Variants in B3GALT5 observed in about 807,000 individuals in gnomAD.
The protein encoded by B3GALT5 is beta-1,3-galactosyltransferase 5.
For synonymous variants in B3GALT5, 156 were observed against 158.6 expected, an observed-to-expected ratio of 0.98 and a Z score of 0.12; for missense variants, 328 against 396.6, an observed-to-expected ratio of 0.83 and a Z score of 1.47.
intron 2 of B3GALT5, among the ~76,000 whole-genome samples, chr21:39,650,755 C>T (rs545273890): frequency 1.7e-4 from 26 of 149,516 alleles, no homozygotes; most frequent in Middle Eastern, 6.9e-3. Flanking sequence ...ATGGGGGAGC[C>T]GTTGAAATAG....
intron 1 of B3GALT5, among the ~76,000 whole-genome samples, chr21:39,631,219 G>A (rs2079190341): frequency 6.6e-6 from 1 of 152,256 alleles, no homozygotes; most frequent in Non-Finnish European, 1.5e-5. Flanking sequence ...TCTGGAGGCT[G>A]AAGTCTGAAA....
Position 39,618,043 on chromosome 21 carries a change from T to C in B3GALT5, c.-392+4976T>C, listed in dbSNP as rs78263128. Among the ~76,000 whole-genome samples the C allele has an allele frequency of 3.8e-3, 576 of 152,148 alleles. 3 individuals carry two copies. Among genetic ancestry groups the C allele is most frequent in the African/African-American group, 0.013 (554 of 41,504 alleles). On this transcript the variant is annotated intron_variant, in intron 1 of 3. Transcript: ENST00000684187. ...GGTGGCATGCACCTGTAGTCCTAGATACTTGGGAGGCTGAGATGGGAGGAT... is the reference window on the plus strand; with the variant it reads ...GGTGGCATGCACCTGTAGTCCTAGACACTTGGGAGGCTGAGATGGGAGGAT...
intron 1 of B3GALT5, among the ~76,000 whole-genome samples, chr21:39,634,893 G>A (rs1401147233): frequency 1.3e-5 from 2 of 152,128 alleles, no homozygotes; most frequent in African/African-American, 2.4e-5. Context: ...CAGAGACAAC[G>A]CGTAATGGCA....
Position 39,661,579 on chromosome 21 carries a change from G to A in B3GALT5, c.*87G>A. 1 of 1,279,510 alleles carries A rather than the reference G, an allele frequency of 7.8e-7. No individual in the cohort carries two copies. The highest frequency in any genetic ancestry group is 1.0e-6 in the Non-Finnish European group (1 of 960,034). 79.3% of individuals were successfully genotyped at this position (1,279,510 alleles called of 1,614,324 possible). Reference sequence around the variant, plus strand: ...ATTTTGGAAGAGGGGGCGGGACAGAGGATGCTGTTCTTCAGTGCTGAAATC... The same window carrying A: ...ATTTTGGAAGAGGGGGCGGGACAGAAGATGCTGTTCTTCAGTGCTGAAATC... On this transcript the variant is annotated 3_prime_UTR_variant, in exon 4 of 4. Transcript: ENST00000684187. This position sits in a 1 kb window ranked among gnomAD's most constrained non-coding sequence, Gnocchi z 4.7.
In B3GALT5 at chr21:39,661,604, C is replaced by A. The variant is rs2079526129; in HGVS notation, c.*112C>A. 3.0e-5 allele frequency: 31 copies of A among 1,044,680 alleles called. No individual in the cohort carries two copies. In the East Asian group the frequency reaches 8.0e-4, roughly 27 times the overall value. 64.7% of individuals were successfully genotyped at this position (1,044,680 alleles called of 1,614,324 possible). A position where few individuals can be genotyped will look rare whatever the true frequency, so the allele number is the denominator to read the frequency against. On this transcript the variant is annotated 3_prime_UTR_variant, in exon 4 of 4. Coordinates refer to ENST00000684187, the MANE Select transcript of B3GALT5 (RefSeq NM_001356336.2). This position sits in a 1 kb window ranked among gnomAD's most constrained non-coding sequence, Gnocchi z 4.7. Reference sequence around the variant, plus strand: ...GGATGCTGTTCTTCAGTGCTGAAATCCACGCCAGAATGTCGGTGTTCATGA... The same window carrying A: ...GGATGCTGTTCTTCAGTGCTGAAATACACGCCAGAATGTCGGTGTTCATGA...
chr21:39,642,436 G>A (rs1208862192), intron 1 of B3GALT5, among the ~76,000 whole-genome samples: 6 of 152,236 alleles, frequency 3.9e-5, no homozygotes, highest in African/African-American at 1.2e-4. Context: ...GCATGGAAGG[G>A]CATTGGAGAC....
chr21:39,661,288 C>T lies in B3GALT5; in HGVS notation c.729C>T (p.Asp243=), dbSNP rs773798864. Residue 243 remains aspartate (D), a synonymous_variant, in exon 4 of 4, where the codon GAC becomes GAT. Coordinates refer to ENST00000684187, the MANE Select transcript of B3GALT5 (RefSeq NM_001356336.2). The surrounding 1 kb of genome is among the most constrained non-coding windows in gnomAD (Gnocchi z 4.7). Reference sequence around the variant, plus strand: ...GCGTCCCATACATTAAACTGGAAGACGTGTTTGTGGGGCTCTGCCTCGAAA... The same window carrying T: ...GCGTCCCATACATTAAACTGGAAGATGTGTTTGTGGGGCTCTGCCTCGAAA... ...SKSVPYIKLE[D]VFVGLCLERL... 15 of 1,614,050 alleles carry T rather than the reference C, an allele frequency of 9.3e-6. No homozygotes were observed. In the African/African-American group the frequency reaches 9.3e-5, roughly 10 times the overall value.
intron 1 of B3GALT5, among the ~76,000 whole-genome samples, chr21:39,635,419 A>G (rs1042305640): frequency 1.3e-5 from 2 of 152,092 alleles, no homozygotes; most frequent in African/African-American, 4.8e-5. Flanking sequence ...TCCTGTCTGG[A>G]CACCCATGGT....
At chr21:39,649,266 C>G (rs1159737393) in intron 2 of B3GALT5, among the ~76,000 whole-genome samples, 1 of 152,160 alleles carries the variant, frequency 6.6e-6, no homozygotes, top group Non-Finnish European at 1.5e-5. Context: ...TTGGCCAGAG[C>G]CCAGACTGCT....
chr21:39,639,346 C>CTTTCTTTCTTTCTTTCTTTT (rs1569212166), intron 1 of B3GALT5, among the ~76,000 whole-genome samples: 20 of 114,642 alleles, frequency 1.7e-4, no homozygotes, highest in Middle Eastern at 4.0e-3. Flanking sequence ...TTCTTTCTTT[C>CTTTCTTTCTTTCTTTCTTTT]TTTCCTTCCT....
At chr21:39,650,681 G>A (rs2079386267) in intron 2 of B3GALT5, among the ~76,000 whole-genome samples, 3 of 152,270 alleles carry the variant, frequency 2.0e-5, no homozygotes, top group Admixed American at 6.5e-5. Flanking sequence ...GAGCCGGGGT[G>A]CTCTCCTGTG....
rs529452592 is a variant in B3GALT5, at chr21:39,672,174, G to T, written c.*10682G>T. ...CAGTGTGGCGTGGACACAGCCAGGC[G>T]CAGACCCTCCTGCCAGCGAAGCCAG... On this transcript the variant is annotated 3_prime_UTR_variant, in exon 4 of 4. Coordinates refer to ENST00000684187, the MANE Select transcript of B3GALT5 (RefSeq NM_001356336.2). 1 of 152,218 alleles carries T rather than the reference G, an allele frequency of 6.6e-6. No homozygotes were observed. Among genetic ancestry groups the T allele is most frequent in the Non-Finnish European group, 1.5e-5 (1 of 68,038 alleles). The allele number at this position is 152,218 out of a possible 1,614,324, so 9.4% of individuals were successfully genotyped here. A position where few individuals can be genotyped will look rare whatever the true frequency, so the allele number is the denominator to read the frequency against.
At chr21:39,649,622 C>T (rs1283480523) in intron 2 of B3GALT5, among the ~76,000 whole-genome samples, 2 of 151,704 alleles carry the variant, frequency 1.3e-5, no homozygotes, top group African/African-American at 4.8e-5. Context: ...GGGTGGAAGG[C>T]TCAGTGGGTG....
At chr21:39,652,327 C>T (rs945564120) in intron 2 of B3GALT5, among the ~76,000 whole-genome samples, 3 of 152,234 alleles carry the variant, frequency 2.0e-5, no homozygotes, top group Non-Finnish European at 4.4e-5. Context: ...GTGGGCAGAA[C>T]GCCTCTGGCA....
intron 1 of B3GALT5, among the ~76,000 whole-genome samples, chr21:39,620,408 G>C (rs2079128334): frequency 6.6e-6 from 1 of 152,168 alleles, no homozygotes; most frequent in Admixed American, 6.5e-5. Flanking sequence ...ACGGAAATTT[G>C]ATAAATGTGA....
intron 1 of B3GALT5, among the ~76,000 whole-genome samples, chr21:39,629,483 A>G (rs1257550510): frequency 2.0e-5 from 3 of 152,168 alleles, no homozygotes; most frequent in Non-Finnish European, 4.4e-5. Flanking sequence ...ATTTGAATTA[A>G]TTCAATCCTG....
intron 1 of B3GALT5, among the ~76,000 whole-genome samples, chr21:39,616,113 A>G (rs2079106154): frequency 1.3e-5 from 2 of 152,148 alleles, no homozygotes; most frequent in South Asian, 2.1e-4. Context: ...AGCTGTAGAC[A>G]CAGGCAGGAG....
intron 1 of B3GALT5, among the ~76,000 whole-genome samples, chr21:39,642,632 AAG>A (rs2079299043): frequency 6.6e-6 from 1 of 152,162 alleles, no homozygotes; most frequent in Non-Finnish European, 1.5e-5. Flanking sequence ...GCTGTTTTTG[AAG>A]ACGTTAGAAA....
At chr21:39,616,714 C>G (rs923539898) in intron 1 of B3GALT5, among the ~76,000 whole-genome samples, 1 of 152,154 alleles carries the variant, frequency 6.6e-6, no homozygotes, top group Non-Finnish European at 1.5e-5. Context: ...CCTGGAGATA[C>G]AGTTTATCAG....
Sources: gnomAD v4.1 joint callset for allele counts (sites outside exome capture counted in the v4.1 genomes callset) on GRCh38, gnomAD v4.1.1 for gene constraint, Gnocchi (gnomAD v3.1) non-coding constraint, MANE v1.5 for transcripts, NCBI Gene and HGNC (gene_info 2026-07-23, HGNC 2026-07-21) for gene names.